Variants in SSR3 observed in about 807,000 individuals in gnomAD.
The protein encoded by SSR3 is signal sequence receptor subunit 3.
A neutral mutation model predicts 22.1 loss-of-function variants in SSR3; 10 were observed. The ratio of observed to expected loss-of-function variants is 0.45; its 90% CI spans 0.28 to 0.77. SSR3 has a LOEUF of 0.77. Ranked by LOEUF, SSR3 falls within the 30% of genes least tolerant of loss-of-function variation. The probability of loss-of-function intolerance (pLI) is 0.13; values close to 1 mark genes in which losing one functional copy is unlikely to be tolerated. For synonymous variants in SSR3, 104 were observed against 82.5 expected (o/e 1.26, Z -1.42); for missense variants, 181 against 220.5 (o/e 0.82, Z 1.13).
chr3:156,551,554 G>C (rs1719956957), intron 2 of SSR3: 1 of 152,198 alleles, frequency 6.6e-6, no homozygotes, highest in Non-Finnish European at 1.5e-5. Context: ...CAATTTATCT[G>C]CTGGTCCATC....
chr3:156,543,093 G>T lies in SSR3; in HGVS notation c.*110C>A. ...TTACATTCTGCTGGGTTTTTTAAAG[G>T]CTCTAGACTATAAAAACATCTTGTG... On this transcript the variant is annotated 3_prime_UTR_variant, in exon 5 of 5. Transcript: ENST00000265044. 1 of 843,646 alleles carries T rather than the reference G, an allele frequency of 1.2e-6. No individual in the cohort carries two copies. 52.3% of individuals were successfully genotyped at this position (843,646 alleles called of 1,614,324 possible). A position where few individuals can be genotyped will look rare whatever the true frequency, so the allele number is the denominator to read the frequency against.
At chr3:156,545,970 C>T (rs140126782) in intron 3 of SSR3, among the ~76,000 whole-genome samples, 2,435 of 152,254 alleles carry the variant, frequency 0.016, 35 homozygotes, top group Non-Finnish European at 0.017. Context: ...AGGTTGCTTA[C>T]GTAGGTTATT....
chr3:156,551,499 C>T (rs1299228102), intron 2 of SSR3: 2 of 148,246 alleles, frequency 1.3e-5, no homozygotes, highest in African/African-American at 5.0e-5. Context: ...CCTGGAATAG[C>T]AGCTGGTTGA....
At chr3:156,547,927 G>C (rs1342128710) in intron 3 of SSR3, among the ~76,000 whole-genome samples, 2 of 152,174 alleles carry the variant, frequency 1.3e-5, no homozygotes, top group Non-Finnish European at 2.9e-5. Context: ...TAAGGTACTT[G>C]CTCATCCACC....
chr3:156,540,045 A>G lies in SSR3; in HGVS notation c.*3158T>C, dbSNP rs898041172. On this transcript the variant is annotated 3_prime_UTR_variant, in exon 5 of 5. Transcript: ENST00000265044. ...AGAACTTAAAGTAAAATAAAAAATA[A>G]AACAATTTGAAAAAAAAGATGGTTA... 1 of 152,218 alleles carries G rather than the reference A, an allele frequency of 6.6e-6. No homozygotes were observed. The highest frequency in any genetic ancestry group is 1.5e-5 in the Non-Finnish European group (1 of 68,028). 9.4% of individuals were successfully genotyped at this position (152,218 alleles called of 1,614,324 possible). A position where few individuals can be genotyped will look rare whatever the true frequency, so the allele number is the denominator to read the frequency against.
intron 2 of SSR3, among the ~76,000 whole-genome samples, chr3:156,552,971 T>C (rs556283348): frequency 2.6e-5 from 4 of 152,132 alleles, no homozygotes; most frequent in East Asian, 1.9e-4. Context: ...TCTTAGACTA[T>C]GTTAATCCTT....
In SSR3 at chr3:156,539,977, G is replaced by A. The variant is rs1045556154; in HGVS notation, c.*3226C>T. Among the ~76,000 whole-genome samples the A allele has an allele frequency of 6.6e-6, 1 of 152,036 alleles. No individual in the cohort carries two copies. Among genetic ancestry groups the A allele is most frequent in the Non-Finnish European group, 1.5e-5 (1 of 68,020 alleles). On this transcript the variant is annotated 3_prime_UTR_variant, in exon 5 of 5. Coordinates refer to ENST00000265044, the MANE Select transcript of SSR3 (RefSeq NM_007107.5). The stretch of plus-strand genomic sequence containing the variant: ...TGAGATATTAAAATGATGGTTACAT[G>A]TATACATATGTACCAAACCTGCATG...
Position 156,555,010 on chromosome 3 carries a change from T to G in SSR3, c.80A>C (p.Lys27Thr), listed in dbSNP as rs372361484. ...GTTTCCGAAGAAGAGCGCGGAGGAC[T>G]TGGCCGAGAGATTGCGGCTGAAATC... ...LQDFSRNLSA[K>T]SSALFFGNAF... is the part of the protein sequence containing the mutation. The change falls in exon 1 of 5, where the codon AAG (lysine) becomes ACG (threonine). Residue 27 changes from lysine to threonine, a missense_variant. Physicochemically the swap from Lys to Thr is moderately conservative, Grantham distance 78 (BLOSUM62 -1). Transcript: ENST00000265044. The G allele has an allele frequency of 5.6e-6, 9 of 1,614,028 alleles. No individual in the cohort carries two copies. Among genetic ancestry groups the G allele is most frequent in the Non-Finnish European group, 6.8e-6 (8 of 1,179,942 alleles).
At chr3:156,553,994 T>A in intron 1 of SSR3, 1 of 404,256 alleles carries the variant, frequency 2.5e-6, no homozygotes, top group Non-Finnish European at 4.4e-6. Context: ...AAACATCACC[T>A]TCCTATTACT....
Position 156,544,289 on chromosome 3 carries a change from T to C in SSR3, c.491+19A>G. ...GTTTCTTGACTTCTAAAAAAGATAA[T>C]CAACCTTGAAAAGGATACACTGTGG... On this transcript the variant is annotated intron_variant, in intron 4 of 4. Transcript: ENST00000265044. 6.7e-7 allele frequency: 1 copy of C among 1,501,176 alleles called. No individual in the cohort carries two copies. Among genetic ancestry groups the C allele is most frequent in the Non-Finnish European group, 8.9e-7 (1 of 1,125,184 alleles). 93.0% of individuals were successfully genotyped at this position (1,501,176 alleles called of 1,614,324 possible). A position where few individuals can be genotyped will look rare whatever the true frequency, so the allele number is the denominator to read the frequency against.
chr3:156,544,303 G>A lies in SSR3; in HGVS notation c.491+5C>T, dbSNP rs750848558. 1.9e-6 allele frequency: 3 copies of A among 1,565,246 alleles called. No homozygotes were observed. Among genetic ancestry groups the A allele is most frequent in the Non-Finnish European group, 2.6e-6 (3 of 1,158,042 alleles). ...AAAAAAGATAATCAACCTTGAAAAG[G>A]ATACACTGTGGGGTTGAAGTTCTTC... is the stretch of plus-strand genomic sequence containing the variant. On this transcript the variant is annotated splice_donor_5th_base_variant and intron_variant, in intron 4 of 4. Coordinates refer to ENST00000265044, the MANE Select transcript of SSR3 (RefSeq NM_007107.5).
chr3:156,544,642 A>G (rs1719696779), intron 3 of SSR3, among the ~76,000 whole-genome samples: 1 of 152,206 alleles, frequency 6.6e-6, no homozygotes, highest in African/African-American at 2.4e-5. Context: ...AGTGAAGAAA[A>G]CATCATGCTG....
At chr3:156,552,613 T>C (rs979416041) in intron 2 of SSR3, among the ~76,000 whole-genome samples, 2 of 152,178 alleles carry the variant, frequency 1.3e-5, no homozygotes, top group African/African-American at 4.8e-5. Flanking sequence ...TAAGTCTCAG[T>C]GAAATTCCAA....
intron 2 of SSR3, chr3:156,551,481 A>C (rs2108449710): frequency 1.3e-5 from 2 of 151,768 alleles, no homozygotes; most frequent in Non-Finnish European, 2.9e-5. Context: ...GGCCCACATG[A>C]GCTGAATCCT....
chr3:156,544,747 T>C (rs1719700929), intron 3 of SSR3, among the ~76,000 whole-genome samples: 1 of 152,198 alleles, frequency 6.6e-6, no homozygotes, highest in Admixed American at 6.5e-5. Flanking sequence ...AAGTCAAATA[T>C]CTTTCTCTTG....
intron 2 of SSR3, among the ~76,000 whole-genome samples, chr3:156,552,319 A>AT (rs397776449): frequency 6.6e-6 from 1 of 151,600 alleles, no homozygotes; most frequent in Non-Finnish European, 1.5e-5. Flanking sequence ...AAAAAAAAAA[A>AT]GCCATGATGA....
At position 156,543,032 on chromosome 3, in the gene SSR3, A is replaced by C; in HGVS notation, c.*171T>G. 1 of 493,274 alleles carries C rather than the reference A, an allele frequency of 2.0e-6. No individual in the cohort carries two copies. The highest frequency in any genetic ancestry group is 3.0e-5 in the East Asian group (1 of 33,836). 30.6% of individuals were successfully genotyped at this position (493,274 alleles called of 1,614,324 possible). On this transcript the variant is annotated 3_prime_UTR_variant, in exon 5 of 5. Transcript: ENST00000265044. ...CCCTTTCAATTCATTTAATTTCAAC[A>C]ATCTGTCAAAAAACAGCCAATAAAC...
At chr3:156,544,795 T>C (rs2108446088) in intron 3 of SSR3, among the ~76,000 whole-genome samples, 1 of 152,320 alleles carries the variant, frequency 6.6e-6, no homozygotes, top group East Asian at 1.9e-4. Flanking sequence ...ATTAGCAGCC[T>C]GTGGAGTTTC....
rs1243701644 is a variant in SSR3, at chr3:156,541,960, T to A, written c.*1243A>T. The A allele has an allele frequency of 4.6e-5, 7 of 152,188 alleles. No individual in the cohort carries two copies. Among genetic ancestry groups the A allele is most frequent in the Admixed American group, 1.3e-4 (2 of 15,284 alleles). The allele number at this position is 152,188 out of a possible 1,614,324, so 9.4% of individuals were successfully genotyped here. ...TTTATAAAATTATAAAGAAAACAAC[T>A]AATAACATGTATGAAATTCACATTA... On this transcript the variant is annotated 3_prime_UTR_variant, in exon 5 of 5. Transcript: ENST00000265044.
Sources: allele counts gnomAD v4.1 joint callset (sites outside exome capture counted in the v4.1 genomes callset), GRCh38; gene constraint gnomAD v4.1.1; transcripts MANE v1.5; gene names NCBI Gene and HGNC (gene_info 2026-07-23, HGNC 2026-07-21).